Variants in HRH2 observed in about 807,000 individuals in gnomAD.
HRH2 encodes histamine H2 receptor.
A neutral mutation model predicts 20.1 loss-of-function variants in HRH2; 4 were observed. The ratio of observed to expected loss-of-function variants is 0.20; its 90% CI spans 0.10 to 0.45. The LOEUF is 0.45. Among genes scored for constraint, HRH2 ranks in the 20% least tolerant of loss-of-function variants. The pLI, the probability that HRH2 is intolerant of heterozygous loss-of-function variation, is 0.99. For missense variants in HRH2, 250 were observed against 461.6 expected, an observed-to-expected ratio of 0.54 and a Z score of 4.20; for synonymous variants, 197 against 200.7, an observed-to-expected ratio of 0.98 and a Z score of 0.16.
At chr5:175,696,455 CGG>C (rs1561738740) in intron 2 of HRH2, among the ~76,000 whole-genome samples, 1 of 151,726 alleles carries the variant, frequency 6.6e-6, no homozygotes, top group Non-Finnish European at 1.5e-5. Flanking sequence ...CTGTGAGTCC[CGG>C]GCAAGTGACT....
At chr5:175,668,660 G>A (rs544287752) in intron 1 of HRH2, among the ~76,000 whole-genome samples, 1 of 152,102 alleles carries the variant, frequency 6.6e-6, no homozygotes, top group African/African-American at 2.4e-5. Flanking sequence ...TGAGAGTCGC[G>A]GTGAGGGGCC....
chr5:175,678,342 T>C (rs1755831384), intron 1 of HRH2, among the ~76,000 whole-genome samples: 2 of 152,202 alleles, frequency 1.3e-5, no homozygotes, highest in South Asian at 4.1e-4. Context: ...GGTAAGAACC[T>C]ACCACGTGCC....
chr5:175,694,739 G>A (rs548138448), intron 2 of HRH2, among the ~76,000 whole-genome samples: 131 of 152,298 alleles, frequency 8.6e-4, no homozygotes, highest in African/African-American at 3.1e-3. Flanking sequence ...CTCTGGATGG[G>A]AAGTGGAGCA....
At chr5:175,663,724 C>T (rs1762804530) in intron 1 of HRH2, among the ~76,000 whole-genome samples, 1 of 152,250 alleles carries the variant, frequency 6.6e-6, no homozygotes, top group South Asian at 2.1e-4. Context: ...GAGAGGCCCT[C>T]CCTGTCCTCC....
chr5:175,699,510 T>A (rs1043828505), intron 2 of HRH2, among the ~76,000 whole-genome samples: 1 of 152,166 alleles, frequency 6.6e-6, no homozygotes, highest in Non-Finnish European at 1.5e-5. Flanking sequence ...TCTTGTGTGT[T>A]GTTCAGTACA....
chr5:175,666,971 A>G (rs980217079), intron 1 of HRH2, among the ~76,000 whole-genome samples: 2 of 151,694 alleles, frequency 1.3e-5, no homozygotes, highest in Non-Finnish European at 2.9e-5. Flanking sequence ...TCTTTTGTTC[A>G]TTTGTTGTGG....
At chr5:175,697,950 A>T (rs1756659584) in intron 2 of HRH2, among the ~76,000 whole-genome samples, 1 of 152,176 alleles carries the variant, frequency 6.6e-6, no homozygotes, top group Non-Finnish European at 1.5e-5. Context: ...CACCTGCTCC[A>T]TGGAGCCTCT....
At chr5:175,668,114 G>C (rs2113481962) in intron 1 of HRH2, among the ~76,000 whole-genome samples, 1 of 152,308 alleles carries the variant, frequency 6.6e-6, no homozygotes. Context: ...CCAGGGCTGG[G>C]ACTGTGTGGG....
chr5:175,660,049 A>G (rs1433688892), intron 1 of HRH2, among the ~76,000 whole-genome samples: 1 of 152,066 alleles, frequency 6.6e-6, no homozygotes, highest in Non-Finnish European at 1.5e-5. Flanking sequence ...TCCACTCTCC[A>G]TCCTAGGCTG....
In HRH2 at chr5:175,662,930, G is replaced by C. The variant is rs920478609; in HGVS notation, c.-526+4775G>C. 2.0e-5 allele frequency among the ~76,000 whole-genome samples: 3 copies of C among 152,106 alleles called. No individual in the cohort carries two copies. In the East Asian group the frequency reaches 5.8e-4, roughly 29 times the overall value. ...TTCACAAAAACTGAATCATACAATA[G>C]GTTTTGTGACTGATTTCTTACACCT... is the stretch of plus-strand genomic sequence containing the variant. On this transcript the variant is annotated intron_variant, in intron 1 of 2. Coordinates refer to ENST00000636584, the MANE Select transcript of HRH2 (RefSeq NM_001367711.1).
intron 2 of HRH2, among the ~76,000 whole-genome samples, chr5:175,697,602 C>T (rs1433557785): frequency 6.6e-6 from 1 of 152,134 alleles, no homozygotes; most frequent in Non-Finnish European, 1.5e-5. Context: ...GGGTATTCAC[C>T]ACCCCACACA....
intron 1 of HRH2, among the ~76,000 whole-genome samples, chr5:175,666,011 G>A (rs1040413136): frequency 6.6e-6 from 1 of 152,182 alleles, no homozygotes; most frequent in African/African-American, 2.4e-5. Flanking sequence ...CCAGCTTCTG[G>A]AGAATGTGGA....
intron 2 of HRH2, among the ~76,000 whole-genome samples, chr5:175,694,396 C>A (rs1200091876): frequency 1.3e-5 from 2 of 152,138 alleles, no homozygotes; most frequent in Admixed American, 6.5e-5. Flanking sequence ...TGGGCCACTC[C>A]AGACCTGTCT....
At chr5:175,690,875 T>C (rs957630552) in intron 2 of HRH2, among the ~76,000 whole-genome samples, 6 of 152,232 alleles carry the variant, frequency 3.9e-5, no homozygotes, top group Non-Finnish European at 8.8e-5. Flanking sequence ...CTGGCTCCCC[T>C]CACTTAGCAT....
At chr5:175,660,404 C>T (rs1348705309) in intron 1 of HRH2, among the ~76,000 whole-genome samples, 3 of 152,136 alleles carry the variant, frequency 2.0e-5, no homozygotes, top group Non-Finnish European at 4.4e-5. Flanking sequence ...GCCCATGTGA[C>T]CACCAAAAGT....
chr5:175,690,055 C>A (rs887048048), intron 2 of HRH2, among the ~76,000 whole-genome samples: 3 of 152,248 alleles, frequency 2.0e-5, no homozygotes, highest in African/African-American at 7.2e-5. Flanking sequence ...GTGTTCACCC[C>A]TTCAAGAGCC....
intron 2 of HRH2, among the ~76,000 whole-genome samples, chr5:175,701,558 G>C (rs1463962723): frequency 6.6e-6 from 1 of 152,130 alleles, no homozygotes; most frequent in Non-Finnish European, 1.5e-5. Flanking sequence ...TAACATCTTT[G>C]CAGACCCAAG....
intron 2 of HRH2, among the ~76,000 whole-genome samples, chr5:175,707,463 G>C (rs576282442): frequency 3.3e-5 from 5 of 152,192 alleles, no homozygotes; most frequent in African/African-American, 9.6e-5. Context: ...AACAAAAATC[G>C]TGAATTGGAT....
At chr5:175,672,704 G>T (rs915636137) in intron 1 of HRH2, among the ~76,000 whole-genome samples, 1 of 152,190 alleles carries the variant, frequency 6.6e-6, no homozygotes, top group Non-Finnish European at 1.5e-5. Flanking sequence ...CTGGACCCTG[G>T]ATCCTGACCC....
Sources: allele counts gnomAD v4.1 joint callset (sites outside exome capture counted in the v4.1 genomes callset), GRCh38; gene constraint gnomAD v4.1.1; transcripts MANE v1.5; gene names NCBI Gene and HGNC (gene_info 2026-07-23, HGNC 2026-07-21).